The following SCARA3 variants were observed in gnomAD, a reference collection of about 807,000 sequenced individuals.
SCARA3 encodes scavenger receptor class A member 3, also known as cellular stress response gene protein.
A neutral mutation model predicts 47.0 loss-of-function variants in SCARA3; 39 were observed. The observed-to-expected ratio is 0.83, with a 90% CI of 0.64 to 1.08. The LOEUF is 1.08. Ranked by LOEUF, SCARA3 falls within the 50% of genes least tolerant of loss-of-function variation. SCARA3 has a pLI of 0.00. For missense variants in SCARA3, 724 were observed against 792.3 expected (o/e 0.91, Z 1.04); for synonymous variants, 356 against 334.1 (o/e 1.07, Z -0.71).
downstream of SCARA3, chr8:27,676,469 TA>T: frequency 7.2e-7 from 1 of 1,396,130 alleles, no homozygotes; most frequent in Non-Finnish European, 9.9e-7. Context: ...GCCTTTTCCC[TA>T]AGCCCAAAGT....
At chr8:27,730,664 A>G in the SCARA3 span, among the ~76,000 whole-genome samples, 1 of 151,440 alleles carries the variant, frequency 6.6e-6, no homozygotes, top group Non-Finnish European at 1.5e-5. Context: ...TTATTGTTGT[A>G]TTTTTTGTAG....
the SCARA3 span, among the ~76,000 whole-genome samples, chr8:27,706,607 T>C: frequency 1.3e-5 from 2 of 152,066 alleles, no homozygotes. Flanking sequence ...AGGGAAGCTG[T>C]TGGAGGGATC....
At chr8:27,715,858 A>C in the SCARA3 span, among the ~76,000 whole-genome samples, 1 of 90,816 alleles carries the variant, frequency 1.1e-5, no homozygotes, top group African/African-American at 4.6e-5. This position sits in a 1 kb window ranked among gnomAD's most constrained non-coding sequence, Gnocchi z 4.2. Context: ...AGATAGATAG[A>C]TAGATACATA....
intron 2 of SCARA3, among the ~76,000 whole-genome samples, 200 bp from the exon 3 acceptor site, chr8:27,651,308 C>T (rs891267071): frequency 1.3e-5 from 2 of 152,230 alleles, no homozygotes; most frequent in Non-Finnish European, 2.9e-5. Context: ...GAAGTCCTGA[C>T]TCGGTCTCCT....
Position 27,671,014 on chromosome 8 carries a change from A to G in SCARA3, c.1484A>G (p.Gln495Arg). 6.2e-7 allele frequency: 1 copy of G among 1,611,116 alleles called. No homozygotes were observed. The highest frequency in any genetic ancestry group is 8.5e-7 in the Non-Finnish European group (1 of 1,179,236). The change falls in exon 6 of 6, where the codon CAG (glutamine) becomes CGG (arginine). Residue 495 changes from glutamine to arginine, a missense_variant. By Grantham distance (43) the Gln-to-Arg change is conservative. Transcript: ENST00000301904. ...DPGSLGPLGP[Q>R]GPQGQPGEAG... ...GGCAGCTTGGGCCCCCTGGGACCCCAGGGTCCTCAGGGGCAACCTGGAGAG... is the reference window on the plus strand; with the variant it reads ...GGCAGCTTGGGCCCCCTGGGACCCCGGGGTCCTCAGGGGCAACCTGGAGAG...
At chr8:27,637,101 G>A (rs1275530903) in intron 1 of SCARA3, among the ~76,000 whole-genome samples, 1 of 152,240 alleles carries the variant, frequency 6.6e-6, no homozygotes, top group East Asian at 1.9e-4. Context: ...TGATGGTGGG[G>A]AAGGTGATCA....
chr8:27,665,415 G>A (rs1426036674), intron 5 of SCARA3, among the ~76,000 whole-genome samples: 1 of 152,122 alleles, frequency 6.6e-6, no homozygotes, highest in East Asian at 1.9e-4. Context: ...TAATTTCAGT[G>A]TCTGTGCTAG....
At chr8:27,712,869 G>GA in the SCARA3 span, among the ~76,000 whole-genome samples, 6,183 of 149,318 alleles carry the variant, frequency 0.041, 135 homozygotes, top group Middle Eastern at 0.049. Context: ...TTTTAGTTTT[G>GA]AAAAAAAAAC....
the SCARA3 span, among the ~76,000 whole-genome samples, chr8:27,718,103 A>G: frequency 6.6e-6 from 1 of 152,220 alleles, no homozygotes; most frequent in African/African-American, 2.4e-5. Context: ...GTTCTCTGCC[A>G]GACTCTGCCC....
chr8:27,658,068 G>A (rs1012646874), intron 4 of SCARA3, among the ~76,000 whole-genome samples: 9 of 152,182 alleles, frequency 5.9e-5, no homozygotes, highest in African/African-American at 2.2e-4. Context: ...ACCAATATAC[G>A]TGGCTATTTA....
chr8:27,697,065 T>TA, the SCARA3 span, among the ~76,000 whole-genome samples: 1 of 151,892 alleles, frequency 6.6e-6, no homozygotes, highest in Non-Finnish European at 1.5e-5. Context: ...AAACCTGATT[T>TA]AAAAAAAGAA....
intron 5 of SCARA3, among the ~76,000 whole-genome samples, chr8:27,667,007 T>G (rs1802031184): frequency 6.6e-6 from 1 of 152,122 alleles, no homozygotes; most frequent in African/African-American, 2.4e-5. Context: ...CCCACGCACC[T>G]CGGCCACTGT....
the SCARA3 span, among the ~76,000 whole-genome samples, chr8:27,722,082 C>T: frequency 3.5e-4 from 53 of 152,218 alleles, no homozygotes; most frequent in Admixed American, 3.0e-3. Flanking sequence ...AGAGTGAGAT[C>T]CTGTCTCTAA....
chr8:27,647,613 C>T (rs570508339), intron 1 of SCARA3, among the ~76,000 whole-genome samples: 7 of 152,320 alleles, frequency 4.6e-5, no homozygotes, highest in African/African-American at 1.4e-4. Flanking sequence ...GCCCTTGGAA[C>T]TGAAGCGCTG....
the SCARA3 span, among the ~76,000 whole-genome samples, chr8:27,682,294 A>T: frequency 6.6e-6 from 1 of 152,178 alleles, no homozygotes; most frequent in Admixed American, 6.5e-5. Flanking sequence ...ATCAAGACCT[A>T]AATATAAAAG....
At chr8:27,676,570 T>A (rs755941848), downstream of SCARA3, 4 of 1,606,032 alleles carry the variant, frequency 2.5e-6, no homozygotes, top group Non-Finnish European at 3.4e-6. Context: ...CTATTCTAGG[T>A]CACACTTTGT....
chr8:27,666,492 A>G (rs909855005), intron 5 of SCARA3, among the ~76,000 whole-genome samples: 2 of 152,212 alleles, frequency 1.3e-5, no homozygotes, highest in African/African-American at 4.8e-5. Context: ...AACAGCCCTC[A>G]GTTGGCAACA....
chr8:27,666,473 C>CATGTTTTTA, intron 5 of SCARA3, among the ~76,000 whole-genome samples: 1 of 152,176 alleles, frequency 6.6e-6, no homozygotes. Flanking sequence ...AGCCCATGGG[C>CATGTTTTTA]ATGTTTTTAA....
the SCARA3 span, among the ~76,000 whole-genome samples, chr8:27,715,846 A>ATAGATAGG: frequency 0.28 from 40,060 of 144,998 alleles, 5,826 homozygotes; most frequent in South Asian, 0.42. This position sits in a 1 kb window ranked among gnomAD's most constrained non-coding sequence, Gnocchi z 4.2. Flanking sequence ...AGATAGATAG[A>ATAGATAGG]TAGATAGATA....
Sources: gnomAD v4.1 joint callset for allele counts (sites outside exome capture counted in the v4.1 genomes callset) on GRCh38, gnomAD v4.1.1 for gene constraint, Gnocchi (gnomAD v3.1) non-coding constraint, MANE v1.5 for transcripts, NCBI Gene and HGNC (gene_info 2026-07-23, HGNC 2026-07-21) for gene names.